Variants in GRID2 observed in about 807,000 individuals in gnomAD.
GRID2 encodes the protein glutamate ionotropic receptor delta type subunit 2.
A neutral mutation model predicts 114.8 loss-of-function variants in GRID2; 33 were observed. That is an observed-to-expected ratio of 0.29 (90% CI 0.22 to 0.38). GRID2 has a LOEUF of 0.38. Ranked by LOEUF, GRID2 falls within the 10% of genes least tolerant of loss-of-function variation. GRID2 has a pLI of 1.00. For missense variants in GRID2, 1,184 were observed against 1,257.7 expected (o/e 0.94, Z 0.89); for synonymous variants, 505 against 449.9 (o/e 1.12, Z -1.55).
chr4:92,438,678 T>A (rs780834542), intron 1 of GRID2, among the ~76,000 whole-genome samples: 1 of 152,064 alleles, frequency 6.6e-6, no homozygotes, highest in Non-Finnish European at 1.5e-5. Flanking sequence ...TTGGCTACCA[T>A]GGAATCTATT....
intron 1 of GRID2, among the ~76,000 whole-genome samples, chr4:92,409,102 GTTTCTCATATATGGCTC>G (rs1253386117): frequency 6.6e-6 from 1 of 152,040 alleles, no homozygotes; most frequent in Admixed American, 6.6e-5. Context: ...TTGGCTGTGG[GTTTCTCATATATGGCTC>G]TTATTATTTT....
At chr4:93,335,925 G>A (rs11932967) in intron 8 of GRID2, among the ~76,000 whole-genome samples, 37,597 of 151,992 alleles carry the variant, frequency 0.25, 7,703 homozygotes, top group African/African-American at 0.56. Flanking sequence ...GGGCTCAAGC[G>A]ATCTGCTCAC....
At chr4:93,327,449 G>T (rs28493880) in intron 8 of GRID2, among the ~76,000 whole-genome samples, 25,565 of 122,496 alleles carry the variant, frequency 0.21, 2,327 homozygotes, top group African/African-American at 0.3. Flanking sequence ...TCCAATCCAG[G>T]AACAAATCCT....
At chr4:93,222,204 T>G (rs529100515) in intron 6 of GRID2, among the ~76,000 whole-genome samples, 1 of 152,124 alleles carries the variant, frequency 6.6e-6, no homozygotes, top group Non-Finnish European at 1.5e-5. Context: ...AGGAGGAATT[T>G]ATTTTTTTGT....
rs368358888 is a variant in GRID2, at chr4:93,039,380, A to G, written c.245-45615A>G. Among the ~76,000 whole-genome samples the G allele has an allele frequency of 3.8e-4, 58 of 152,200 alleles. 2 individuals carry two copies. The South Asian group carries it at 0.012, about 32-fold the overall frequency. On this transcript the variant is annotated intron_variant, in intron 2 of 15. Coordinates refer to ENST00000282020, the MANE Select transcript of GRID2 (RefSeq NM_001510.4). Reference sequence around the variant, plus strand: ...AATACCTAATGTAGATGATGGGTTGATGGGTGCAGCATACCACCATGGCAC... The same window carrying G: ...AATACCTAATGTAGATGATGGGTTGGTGGGTGCAGCATACCACCATGGCAC...
At chr4:93,327,090 G>A (rs577813303) in intron 8 of GRID2, among the ~76,000 whole-genome samples, 237 of 151,934 alleles carry the variant, frequency 1.6e-3, no homozygotes, top group African/African-American at 5.4e-3. Context: ...CAGTCTTCAG[G>A]CCTCTTCTCT....
intron 13 of GRID2, among the ~76,000 whole-genome samples, chr4:93,592,920 C>T (rs1222608397): frequency 6.6e-6 from 1 of 151,602 alleles, no homozygotes; most frequent in Non-Finnish European, 1.5e-5. Flanking sequence ...GTAGATCTTC[C>T]TCCATCCTTT....
intron 8 of GRID2, among the ~76,000 whole-genome samples, chr4:93,382,719 C>T (rs1284190356): frequency 1.3e-5 from 2 of 151,894 alleles, no homozygotes; most frequent in African/African-American, 4.8e-5. Context: ...CCCATCATGT[C>T]TTTTTCAGTG....
At chr4:93,159,925 A>G (rs1028718051) in intron 4 of GRID2, among the ~76,000 whole-genome samples, 3 of 151,782 alleles carry the variant, frequency 2.0e-5, no homozygotes, top group African/African-American at 7.2e-5. Context: ...TATTTTTGAA[A>G]AGGCAAAAAT....
rs377049629 is a variant in GRID2 at position 92,401,031 on chromosome 4, T to C, written c.88+96287T>C. Reference sequence around the variant, plus strand: ...GATTTGCAAAAACTTTCTCCCATTCTGTGGGCTGTCTTTTGACTTTCCTGA... The same window carrying C: ...GATTTGCAAAAACTTTCTCCCATTCCGTGGGCTGTCTTTTGACTTTCCTGA... On this transcript the variant is annotated intron_variant, in intron 1 of 15. Coordinates refer to ENST00000282020, the MANE Select transcript of GRID2 (RefSeq NM_001510.4). 6.6e-5 allele frequency among the ~76,000 whole-genome samples: 10 copies of C among 152,306 alleles called. No individual in the cohort carries two copies. The East Asian group carries it at 1.7e-3, about 26-fold the overall frequency.
At chr4:93,129,621 C>T (rs1292074442) in intron 4 of GRID2, among the ~76,000 whole-genome samples, 1 of 152,150 alleles carries the variant, frequency 6.6e-6, no homozygotes, top group African/African-American at 2.4e-5. Context: ...ACAACACTCC[C>T]AGGCATCTCA....
intron 1 of GRID2, among the ~76,000 whole-genome samples, chr4:92,576,850 T>C (rs1727919788): frequency 6.6e-6 from 1 of 152,166 alleles, no homozygotes; most frequent in Admixed American, 6.5e-5. Flanking sequence ...TGCCCCACCC[T>C]GCTTTTTTTC....
At chr4:92,591,247 G>A (rs750428908) in intron 2 of GRID2, among the ~76,000 whole-genome samples, 6 of 152,082 alleles carry the variant, frequency 3.9e-5, no homozygotes, top group South Asian at 2.1e-4. Context: ...AGAAGGCACC[G>A]TCTGTGAAGC....
intron 2 of GRID2, among the ~76,000 whole-genome samples, chr4:92,840,468 T>C (rs892664): frequency 0.32 from 47,968 of 151,666 alleles, 8,295 homozygotes; most frequent in Middle Eastern, 0.53. Flanking sequence ...TTTAGTGTCT[T>C]TTTTTTTAAA....
chr4:93,049,952 G>A (rs1726534898), intron 2 of GRID2, among the ~76,000 whole-genome samples: 1 of 151,850 alleles, frequency 6.6e-6, no homozygotes, highest in Non-Finnish European at 1.5e-5. Flanking sequence ...ATAAATTTCT[G>A]TGCATTTAAA....
chr4:92,361,685 A>G (rs560460043), intron 1 of GRID2, among the ~76,000 whole-genome samples: 6 of 151,998 alleles, frequency 3.9e-5, no homozygotes, highest in African/African-American at 1.4e-4. Context: ...GGATATAAAA[A>G]AGTTTGCCCA....
At chr4:93,661,318 T>C (rs575796612) in intron 14 of GRID2, among the ~76,000 whole-genome samples, 2 of 152,212 alleles carry the variant, frequency 1.3e-5, no homozygotes, top group Non-Finnish European at 2.9e-5. Context: ...TCATCTTGTT[T>C]TAGCTCTCAT....
At chr4:93,361,711 T>G (rs554267865) in intron 8 of GRID2, among the ~76,000 whole-genome samples, 7 of 152,254 alleles carry the variant, frequency 4.6e-5, no homozygotes, top group African/African-American at 1.7e-4. Flanking sequence ...ATTTTCTTGC[T>G]TTTTTATGTG....
intron 8 of GRID2, among the ~76,000 whole-genome samples, chr4:93,347,806 G>T (rs1015729035): frequency 6.6e-6 from 1 of 152,028 alleles, no homozygotes; most frequent in African/African-American, 2.4e-5. Context: ...TCAGTCCCAG[G>T]CAGTTGCACT....
Sources: gnomAD v4.1 joint callset for allele counts (sites outside exome capture counted in the v4.1 genomes callset) on GRCh38, gnomAD v4.1.1 for gene constraint, MANE v1.5 for transcripts, NCBI Gene and HGNC (gene_info 2026-07-23, HGNC 2026-07-21) for gene names.